FKBP5: variants seen among roughly 807,000 people sequenced by gnomAD.
The protein encoded by FKBP5 is FKBP prolyl isomerase 5.
In FKBP5, 23 loss-of-function variants were observed where a neutral mutation model predicts 50.5. The observed-to-expected ratio is 0.46, with a 90% CI of 0.33 to 0.65. The LOEUF (loss-of-function observed/expected upper bound fraction) is 0.65, where lower values mean the gene tolerates loss of function less well. Among genes scored for constraint, FKBP5 ranks in the 30% least tolerant of loss-of-function variants. The probability of loss-of-function intolerance (pLI) is 0.02; values close to 1 mark genes in which losing one functional copy is unlikely to be tolerated. For missense variants in FKBP5, 411 were observed against 553.1 expected, an observed-to-expected ratio of 0.74 and a Z score of 2.58; for synonymous variants, 176 against 190.6, an observed-to-expected ratio of 0.92 and a Z score of 0.63.
intron 1 of FKBP5, among the ~76,000 whole-genome samples, chr6:35,654,697 T>C (rs1764900572): frequency 6.6e-6 from 1 of 152,196 alleles, no homozygotes. Flanking sequence ...CGATCTCAGA[T>C]CACAGCAACC....
At chr6:35,623,755 T>C (rs957948935) in intron 3 of FKBP5, among the ~76,000 whole-genome samples, 12 of 150,676 alleles carry the variant, frequency 8.0e-5, no homozygotes, top group Admixed American at 3.3e-4. Context: ...TCTTCTTCTT[T>C]TTTTTTTTTT....
In FKBP5 at chr6:35,727,569, C is replaced by T. The variant is rs543000969; in HGVS notation, c.-241+939G>A. ...CAGCCCCGGGAATCCCTGGAGTCTC[C>T]GTGTTCCAGGCTTCTGTGAAGGATC... On this transcript the variant is annotated intron_variant, in intron 1 of 11. Transcript: ENST00000536438. Among the ~76,000 whole-genome samples, 7 of 152,320 alleles carry T rather than the reference C, an allele frequency of 4.6e-5. No homozygotes were observed. In the South Asian group the frequency reaches 8.3e-4, roughly 18 times the overall value.
intron 3 of FKBP5, among the ~76,000 whole-genome samples, chr6:35,629,722 T>G (rs1245290522): frequency 6.6e-6 from 1 of 152,062 alleles, no homozygotes; most frequent in Admixed American, 6.6e-5. Flanking sequence ...TTAAATGGAG[T>G]GAGAAATTTG....
At chr6:35,610,428 C>T (rs1264205610) in intron 5 of FKBP5, among the ~76,000 whole-genome samples, 2 of 151,512 alleles carry the variant, frequency 1.3e-5, no homozygotes, top group Non-Finnish European at 2.9e-5. Context: ...ATCAGCTGGG[C>T]GTGGTGGCAG....
upstream of FKBP5, among the ~76,000 whole-genome samples, chr6:35,691,532 A>C (rs1195441667): frequency 1.3e-5 from 2 of 152,114 alleles, no homozygotes; most frequent in African/African-American, 4.8e-5. Context: ...GTGTTGTAAT[A>C]CACCGCAGCA....
intron 1 of FKBP5, among the ~76,000 whole-genome samples, chr6:35,653,748 T>C (rs1369652172): frequency 2.0e-5 from 3 of 152,226 alleles, no homozygotes; most frequent in East Asian, 3.9e-4. Flanking sequence ...TAAAAGGAGA[T>C]GACAGAAGCC....
At chr6:35,668,196 C>A (rs1765282717) in intron 1 of FKBP5, among the ~76,000 whole-genome samples, 2 of 152,228 alleles carry the variant, frequency 1.3e-5, no homozygotes, top group African/African-American at 4.8e-5. Flanking sequence ...TCCCACTATA[C>A]CCAGCCCTTT....
At chr6:35,706,727 T>C (rs971988300) in intron 2 of FKBP5, among the ~76,000 whole-genome samples, 2 of 152,226 alleles carry the variant, frequency 1.3e-5, no homozygotes, top group African/African-American at 2.4e-5. Flanking sequence ...ATTCATTCTA[T>C]AGCTGTACTC....
intron 5 of FKBP5, among the ~76,000 whole-genome samples, chr6:35,615,249 A>C (rs1365914672): frequency 6.6e-6 from 1 of 151,768 alleles, no homozygotes; most frequent in Non-Finnish European, 1.5e-5. Flanking sequence ...TATATTCTCT[A>C]TCTCTCTGTC....
At chr6:35,687,803 A>C (rs914049659) in intron 1 of FKBP5, among the ~76,000 whole-genome samples, 2 of 152,224 alleles carry the variant, frequency 1.3e-5, no homozygotes, top group African/African-American at 2.4e-5. Flanking sequence ...ACAATTCTGC[A>C]TCTCCGCTTA....
rs760831586 is a variant in FKBP5 at position 35,577,267 on chromosome 6, G to A, written c.1027-34C>T. ...AGATGGTCTATATTTTAGAAAGGAC[G>A]AATTTTAATAAATTCAGTAAACAGC... On this transcript the variant is annotated intron_variant, in intron 9 of 10. Coordinates refer to ENST00000357266, the MANE Select transcript of FKBP5 (RefSeq NM_004117.4). The A allele has an allele frequency of 2.1e-5, 31 of 1,511,756 alleles. No homozygotes were observed. The South Asian group carries it at 2.3e-4, about 11-fold the overall frequency. 93.6% of individuals were successfully genotyped at this position (1,511,756 alleles called of 1,614,324 possible). A position where few individuals can be genotyped will look rare whatever the true frequency, so the allele number is the denominator to read the frequency against.
chr6:35,644,722 G>A (rs1370332986), intron 1 of FKBP5, among the ~76,000 whole-genome samples: 1 of 152,154 alleles, frequency 6.6e-6, no homozygotes, highest in Non-Finnish European at 1.5e-5. Flanking sequence ...GAACGGGATT[G>A]GTTCCCAGCT....
At chr6:35,723,385 C>T (rs1257190872) in intron 1 of FKBP5, among the ~76,000 whole-genome samples, 1 of 152,118 alleles carries the variant, frequency 6.6e-6, no homozygotes, top group Non-Finnish European at 1.5e-5. Context: ...ATTAACAAGG[C>T]TGAGCAATCT....
chr6:35,649,294 T>G (rs1764720051), intron 1 of FKBP5, among the ~76,000 whole-genome samples: 2 of 151,982 alleles, frequency 1.3e-5, no homozygotes, highest in South Asian at 4.1e-4. Flanking sequence ...TGTTTTTTAT[T>G]TTACATATTC....
At chr6:35,667,460 A>G (rs73417687) in intron 1 of FKBP5, among the ~76,000 whole-genome samples, 4,057 of 152,344 alleles carry the variant, frequency 0.027, 119 homozygotes, top group African/African-American at 0.065. Flanking sequence ...TAGAATCATT[A>G]TATCAACCAA....
chr6:35,612,550 G>A (rs565955342), intron 5 of FKBP5, among the ~76,000 whole-genome samples: 146 of 152,300 alleles, frequency 9.6e-4, no homozygotes, highest in Middle Eastern at 3.4e-3. Flanking sequence ...CCATTCTCAC[G>A]CTGCCATGAA....
intron 2 of FKBP5, among the ~76,000 whole-genome samples, chr6:35,713,109 A>AGAAG (rs1766444383): frequency 6.7e-6 from 1 of 150,082 alleles, no homozygotes; most frequent in Non-Finnish European, 1.5e-5. Context: ...AAAAAGAAGA[A>AGAAG]GAAGAAAGAA....
At chr6:35,654,965 T>C (rs1449799203) in intron 1 of FKBP5, among the ~76,000 whole-genome samples, 2 of 151,590 alleles carry the variant, frequency 1.3e-5, no homozygotes, top group African/African-American at 4.9e-5. Flanking sequence ...GGTGGGAGGG[T>C]CGCTTGAGCC....
intron 2 of FKBP5, among the ~76,000 whole-genome samples, chr6:35,638,331 C>G (rs1220250820): frequency 6.6e-6 from 1 of 152,160 alleles, no homozygotes; most frequent in African/African-American, 2.4e-5. Context: ...TCTTTTTTTA[C>G]AAGTATACCG....
Sources: allele counts gnomAD v4.1 joint callset (sites outside exome capture counted in the v4.1 genomes callset), GRCh38; gene constraint gnomAD v4.1.1; transcripts MANE v1.5; gene names NCBI Gene and HGNC (gene_info 2026-07-23, HGNC 2026-07-21).